Variants in DLGAP1 observed in about 807,000 individuals in gnomAD.
DLGAP1 encodes disks large-associated protein 1.
In DLGAP1, 11 loss-of-function variants were observed where a neutral mutation model predicts 90.8. That is an observed-to-expected ratio of 0.12 (90% CI 0.08 to 0.20). DLGAP1 has a LOEUF of 0.20. Among genes scored for constraint, DLGAP1 ranks in the 10% least tolerant of loss-of-function variants. The pLI, the probability that DLGAP1 is intolerant of heterozygous loss-of-function variation, is 1.00. For missense variants in DLGAP1, 1,050 were observed against 1,333.8 expected, an observed-to-expected ratio of 0.79 and a Z score of 3.31; for synonymous variants, 558 against 540.7, an observed-to-expected ratio of 1.03 and a Z score of -0.44.
chr18:4,088,429 T>TCGTGTGTG (rs71160943), intron 2 of DLGAP1, among the ~76,000 whole-genome samples: 12 of 148,346 alleles, frequency 8.1e-5, no homozygotes, highest in Admixed American at 1.3e-4. Context: ...TAATTTTCCT[T>TCGTGTGTG]TGTGTGTGTG....
In DLGAP1 at chr18:4,378,394, A is replaced by C. The variant is rs2082055797; in HGVS notation, c.-267+76612T>G. On this transcript the variant is annotated intron_variant, in intron 1 of 12. Coordinates refer to ENST00000315677, the MANE Select transcript of DLGAP1 (RefSeq NM_004746.4). This position sits in a 1 kb window ranked among gnomAD's most constrained non-coding sequence, Gnocchi z 4.5. ...AATACATTATAACTTTTTAACGACAAAATCATTCTGTATAATTAAGCTTAA... is the reference window on the plus strand; with the variant it reads ...AATACATTATAACTTTTTAACGACACAATCATTCTGTATAATTAAGCTTAA... Among the ~76,000 whole-genome samples, 1 of 152,144 alleles carries C rather than the reference A, an allele frequency of 6.6e-6. No homozygotes were observed. Among genetic ancestry groups the C allele is most frequent in the Non-Finnish European group, 1.5e-5 (1 of 68,012 alleles).
rs151076818 is a variant in DLGAP1, at chr18:4,410,840, C to T, written c.-267+44166G>A. The stretch of plus-strand genomic sequence containing the variant: ...TCACAATTATAACCAACAAAAGATG[C>T]TGTCCCATGTGACATGGTGTACCAC... On this transcript the variant is annotated intron_variant, in intron 1 of 12. Transcript: ENST00000315677. Among the ~76,000 whole-genome samples, 334 of 152,286 alleles carry T rather than the reference C, an allele frequency of 2.2e-3. 1 individual carries two copies. Among genetic ancestry groups the T allele is most frequent in the African/African-American group, 7.3e-3 (305 of 41,560 alleles).
At chr18:3,956,381 G>A (rs763493509) in intron 3 of DLGAP1, among the ~76,000 whole-genome samples, 5 of 151,674 alleles carry the variant, frequency 3.3e-5, no homozygotes, top group Non-Finnish European at 7.4e-5. Context: ...ACGGAGTCTC[G>A]CTCTGTCGCC....
intron 7 of DLGAP1, among the ~76,000 whole-genome samples, chr18:3,595,736 G>A (rs1281541265): frequency 1.3e-5 from 2 of 152,178 alleles, no homozygotes; most frequent in Non-Finnish European, 2.9e-5. Context: ...GGATTTCACG[G>A]CTCATTTTCC....
At chr18:4,285,977 G>A (rs556863122) in intron 1 of DLGAP1, among the ~76,000 whole-genome samples, 10 of 152,172 alleles carry the variant, frequency 6.6e-5, no homozygotes, top group South Asian at 4.1e-4. Context: ...GCCTGGTCCC[G>A]GACTGATAGT....
intron 4 of DLGAP1, among the ~76,000 whole-genome samples, chr18:3,863,180 T>C (rs751565967): frequency 1.7e-4 from 26 of 152,336 alleles, no homozygotes; most frequent in African/African-American, 6.0e-4. Context: ...CTTTAATTCA[T>C]TGAAATTTAC....
At chr18:3,822,397 CA>C (rs1471127045) in intron 4 of DLGAP1, among the ~76,000 whole-genome samples, 3 of 152,178 alleles carry the variant, frequency 2.0e-5, no homozygotes, top group Non-Finnish European at 4.4e-5. Context: ...GCAGGGTACC[CA>C]GCACCATAGC....
At chr18:3,795,277 T>G in intron 5 of DLGAP1, among the ~76,000 whole-genome samples, 1 of 152,152 alleles carries the variant, frequency 6.6e-6, no homozygotes, top group East Asian at 1.9e-4. Flanking sequence ...AAACACTTAT[T>G]TAAAAATATA....
At chr18:3,554,094 C>T (rs1247613394) in intron 9 of DLGAP1, among the ~76,000 whole-genome samples, 1 of 151,994 alleles carries the variant, frequency 6.6e-6, no homozygotes, top group Non-Finnish European at 1.5e-5. Flanking sequence ...AGCTTTCTCA[C>T]CTAAGTCAAC....
chr18:3,554,609 G>A (rs768971236), intron 9 of DLGAP1, among the ~76,000 whole-genome samples: 1 of 152,198 alleles, frequency 6.6e-6, no homozygotes, highest in Non-Finnish European at 1.5e-5. Flanking sequence ...ATGTCATGGT[G>A]GCCTGCAAAT....
At chr18:4,115,340 T>G (rs528885858) in intron 2 of DLGAP1, among the ~76,000 whole-genome samples, 3 of 152,048 alleles carry the variant, frequency 2.0e-5, no homozygotes, top group African/African-American at 7.2e-5. Flanking sequence ...TCTTATGTTT[T>G]TTTTTTTTTA....
intron 1 of DLGAP1, among the ~76,000 whole-genome samples, chr18:4,197,353 C>G (rs187389826): frequency 1.7e-3 from 260 of 151,892 alleles, no homozygotes; most frequent in African/African-American, 5.8e-3. Flanking sequence ...GTACAATGCC[C>G]TGGGGTGGGT....
At chr18:4,274,733 A>G (rs1274690803) in intron 1 of DLGAP1, among the ~76,000 whole-genome samples, 2 of 152,194 alleles carry the variant, frequency 1.3e-5, no homozygotes, top group Admixed American at 1.3e-4. Context: ...ACAACAATTG[A>G]GTATTTGAAA....
chr18:3,640,839 C>A (rs2058911416), intron 7 of DLGAP1, among the ~76,000 whole-genome samples: 1 of 152,218 alleles, frequency 6.6e-6, no homozygotes, highest in Admixed American at 6.5e-5. Context: ...TTATTGAGTG[C>A]ACACAATGTG....
intron 7 of DLGAP1, among the ~76,000 whole-genome samples, chr18:3,670,583 G>C (rs1044845493): frequency 6.6e-6 from 1 of 150,996 alleles, no homozygotes; most frequent in Non-Finnish European, 1.5e-5. Context: ...ATTTGGCAAA[G>C]GATTTGGAAG....
intron 1 of DLGAP1, among the ~76,000 whole-genome samples, chr18:4,180,517 G>T (rs1455695274): frequency 6.6e-6 from 1 of 152,184 alleles, no homozygotes; most frequent in Non-Finnish European, 1.5e-5. Context: ...AACTGGAGCA[G>T]GTGGCACCGA....
At chr18:4,363,368 G>C (rs1469800863) in intron 1 of DLGAP1, among the ~76,000 whole-genome samples, 1 of 152,174 alleles carries the variant, frequency 6.6e-6, no homozygotes, top group Non-Finnish European at 1.5e-5. Flanking sequence ...GGATCCTTGG[G>C]AAAAGGTGGA....
At chr18:4,255,440 A>C (rs2078868213) in intron 1 of DLGAP1, among the ~76,000 whole-genome samples, 1 of 151,472 alleles carries the variant, frequency 6.6e-6, no homozygotes, top group Non-Finnish European at 1.5e-5. Context: ...CTCTCTTTGC[A>C]ACTCTATGTA....
chr18:4,143,338 C>T (rs1607966), intron 2 of DLGAP1, among the ~76,000 whole-genome samples: 15,000 of 151,712 alleles, frequency 0.099, 891 homozygotes, highest in East Asian at 0.18. Context: ...AGTCAAAGTC[C>T]TTCCCACTGT....
Sources: allele counts gnomAD v4.1 joint callset (sites outside exome capture counted in the v4.1 genomes callset), GRCh38; gene constraint gnomAD v4.1.1; non-coding constraint Gnocchi (gnomAD v3.1); transcripts MANE v1.5; gene names NCBI Gene and HGNC (gene_info 2026-07-23, HGNC 2026-07-21).